SRPK2: variants seen among roughly 807,000 people sequenced by gnomAD.
SRPK2 encodes the protein SRSF protein kinase 2, also known as SFRS protein kinase 2.
A neutral mutation model predicts 90.8 loss-of-function variants in SRPK2; 21 were observed. The ratio of observed to expected loss-of-function variants is 0.23; its 90% CI spans 0.16 to 0.33. SRPK2 has a LOEUF of 0.33. Ranked by LOEUF, SRPK2 falls within the 10% of genes least tolerant of loss-of-function variation. The probability of loss-of-function intolerance (pLI) is 1.00; values close to 1 mark genes in which losing one functional copy is unlikely to be tolerated. For missense variants in SRPK2, 620 were observed against 869.0 expected (o/e 0.71, Z 3.60); for synonymous variants, 288 against 311.1 (o/e 0.93, Z 0.78).
intron 2 of SRPK2, among the ~76,000 whole-genome samples, chr7:105,333,900 T>C (rs867024345): frequency 5.3e-5 from 8 of 152,126 alleles, no homozygotes; most frequent in African/African-American, 1.9e-4. Flanking sequence ...GAAAATGCTA[T>C]GATGTTTCTG....
chr7:105,339,852 G>A (rs1296230336), intron 2 of SRPK2, among the ~76,000 whole-genome samples: 1 of 152,148 alleles, frequency 6.6e-6, no homozygotes, highest in Non-Finnish European at 1.5e-5. Flanking sequence ...CTTGGCAGCT[G>A]TTTGAAACCA....
chr7:105,129,667 G>A (rs983715143), intron 13 of SRPK2, among the ~76,000 whole-genome samples: 3 of 152,144 alleles, frequency 2.0e-5, no homozygotes, highest in Non-Finnish European at 4.4e-5. Flanking sequence ...GCATCACCTC[G>A]CTGGGCCTAA....
intron 7 of SRPK2, among the ~76,000 whole-genome samples, chr7:105,156,369 G>T (rs922287459): frequency 2.0e-5 from 3 of 152,114 alleles, no homozygotes; most frequent in African/African-American, 7.2e-5. Context: ...GTTATTGTGA[G>T]GAACTCAACT....
chr7:105,248,436 TAAAAAAA>T (rs56040288), intron 2 of SRPK2, among the ~76,000 whole-genome samples: 1 of 127,874 alleles, frequency 7.8e-6, no homozygotes, highest in African/African-American at 3.0e-5. Context: ...ACAAAAAATT[TAAAAAAA>T]AAAAAAAAAA....
chr7:105,208,999 C>A (rs1364324086), intron 2 of SRPK2, among the ~76,000 whole-genome samples: 1 of 151,828 alleles, frequency 6.6e-6, no homozygotes, highest in Non-Finnish European at 1.5e-5. Flanking sequence ...AAGAAAACCC[C>A]AATACAGCTA....
chr7:105,388,647 CT>C lies in SRPK2; in HGVS notation c.71del (p.Lys24SerfsTer10). The C allele has an allele frequency of 6.3e-7, 1 of 1,588,122 alleles. No homozygotes were observed. Among genetic ancestry groups the C allele is most frequent in the African/African-American group, 1.4e-5 (1 of 72,496 alleles). On this transcript the variant is annotated frameshift_variant and splice_region_variant, in exon 2 of 16. Coordinates refer to ENST00000393651, the MANE Select transcript of SRPK2 (RefSeq NM_182692.3). LOFTEE classifies it high-confidence loss of function. ...RRPKREKHPK[K>X]PEPQQKAPLV... ...CGGGGACAGGCGCAGCGTGGACTCA[CT>C]TTTTCGGATGTTTCTCTCTTTTCGG...
At chr7:105,346,217 T>C (rs1157546800) in intron 2 of SRPK2, among the ~76,000 whole-genome samples, 2 of 152,204 alleles carry the variant, frequency 1.3e-5, no homozygotes, top group African/African-American at 4.8e-5. Context: ...TGGAGGTAAG[T>C]ATTTCATCAT....
rs57925635 is a variant in SRPK2 at position 105,124,640 on chromosome 7, T to TAAAA, written c.1915+1604_1915+1607dup. 1.4e-3 allele frequency among the ~76,000 whole-genome samples: 75 copies of TAAAA among 52,934 alleles called. 2 individuals carry two copies. Among genetic ancestry groups the TAAAA allele is most frequent in the African/African-American group, 4.3e-3 (70 of 16,254 alleles). 34.7% of individuals were successfully genotyped at this position (52,934 alleles called of 152,430 possible). On this transcript the variant is annotated intron_variant, in intron 15 of 15. Transcript: ENST00000393651. ...TGGACAACAAGAGCAAAACTCCATC[T>TAAAA]AAAAAAAAAAAAAAAAAAATCAATG... is the stretch of plus-strand genomic sequence containing the variant.
intron 2 of SRPK2, among the ~76,000 whole-genome samples, chr7:105,260,188 A>C (rs1183576378): frequency 6.6e-6 from 1 of 152,222 alleles, no homozygotes; most frequent in Non-Finnish European, 1.5e-5. Flanking sequence ...ACCAATTTAC[A>C]AGAAAAAAAC....
chr7:105,159,464 A>AAAAAAAAAAAAAAAAAAAAAAAAAAAC (rs1807168874), intron 7 of SRPK2, among the ~76,000 whole-genome samples: 1 of 141,680 alleles, frequency 7.1e-6, no homozygotes, highest in African/African-American at 2.9e-5. Context: ...AAAAAAAAAA[A>AAAAAAAAAAAAAAAAAAAAAAAAAAAC]AAAAAAAAAC....
chr7:105,279,279 G>C (rs1362705194), intron 2 of SRPK2, among the ~76,000 whole-genome samples: 1 of 135,406 alleles, frequency 7.4e-6, no homozygotes. Context: ...GTCTCAGGCT[G>C]GTTAGGTTTC....
chr7:105,115,581 TCTC>T (rs1584827936), downstream of SRPK2: 1 of 152,302 alleles, frequency 6.6e-6, no homozygotes, highest in East Asian at 1.9e-4. Context: ...AACCAGTGGT[TCTC>T]ATTTAGTTTT....
At chr7:105,184,465 A>C (rs1462024967) in intron 3 of SRPK2, among the ~76,000 whole-genome samples, 2 of 152,238 alleles carry the variant, frequency 1.3e-5, no homozygotes, top group East Asian at 1.9e-4. Flanking sequence ...TGTCTAGTTA[A>C]GACGCTTAAT....
chr7:105,334,520 C>T (rs1814829098), intron 2 of SRPK2, among the ~76,000 whole-genome samples: 2 of 152,100 alleles, frequency 1.3e-5, no homozygotes, highest in Admixed American at 1.3e-4. Flanking sequence ...TGCGCCTAGC[C>T]CTGATGTTTC....
At chr7:105,378,843 C>A (rs1286878202) in intron 2 of SRPK2, among the ~76,000 whole-genome samples, 1 of 151,934 alleles carries the variant, frequency 6.6e-6, no homozygotes, top group African/African-American at 2.4e-5. Flanking sequence ...AATACACACC[C>A]ATAATAGGTA....
chr7:105,153,158 C>T (rs1011892605), intron 7 of SRPK2, among the ~76,000 whole-genome samples: 1 of 152,148 alleles, frequency 6.6e-6, no homozygotes, highest in Non-Finnish European at 1.5e-5. Flanking sequence ...TCAATCATCC[C>T]ACTCAGGGAG....
intron 7 of SRPK2, among the ~76,000 whole-genome samples, chr7:105,150,793 G>A (rs1196429443): frequency 6.6e-6 from 1 of 152,122 alleles, no homozygotes; most frequent in African/African-American, 2.4e-5. Flanking sequence ...AAAGGAATAC[G>A]ATTTTTGAAA....
chr7:105,221,727 C>T (rs1470379444), intron 2 of SRPK2, among the ~76,000 whole-genome samples: 1 of 152,192 alleles, frequency 6.6e-6, no homozygotes, highest in Non-Finnish European at 1.5e-5. Context: ...CCTCTCCCCA[C>T]TCAACCCATC....
chr7:105,200,627 T>C (rs923499119), intron 3 of SRPK2, among the ~76,000 whole-genome samples: 8 of 152,106 alleles, frequency 5.3e-5, no homozygotes, highest in Non-Finnish European at 1.2e-4. Context: ...GCAGACACAA[T>C]CTTGATCAAG....
Sources: gnomAD v4.1 joint callset for allele counts (sites outside exome capture counted in the v4.1 genomes callset) on GRCh38, gnomAD v4.1.1 for gene constraint, MANE v1.5 for transcripts, NCBI Gene and HGNC (gene_info 2026-07-23, HGNC 2026-07-21) for gene names.